Variants in TRPC7 observed in about 807,000 individuals in gnomAD.
TRPC7 encodes short transient receptor potential channel 7.
In TRPC7, 42 loss-of-function variants were observed where a neutral mutation model predicts 90.1. The ratio of observed to expected loss-of-function variants is 0.47; its 90% CI spans 0.36 to 0.60. The LOEUF (loss-of-function observed/expected upper bound fraction) is 0.60. Ranked by LOEUF, TRPC7 falls within the 20% of genes least tolerant of loss-of-function variation. TRPC7 has a pLI of 0.00. For synonymous variants in TRPC7, 451 were observed against 436.3 expected, an observed-to-expected ratio of 1.03 and a Z score of -0.42; for missense variants, 955 against 1,112.3, an observed-to-expected ratio of 0.86 and a Z score of 2.01.
chr5:136,322,086 C>T (rs549578065), intron 2 of TRPC7, among the ~76,000 whole-genome samples: 1 of 152,052 alleles, frequency 6.6e-6, no homozygotes, highest in Non-Finnish European at 1.5e-5. Flanking sequence ...ACAATCTCAG[C>T]TCACAGCAAA....
At chr5:136,336,781 G>A (rs768595673) in intron 2 of TRPC7, among the ~76,000 whole-genome samples, 17 of 152,062 alleles carry the variant, frequency 1.1e-4, no homozygotes, top group Non-Finnish European at 7.4e-5. Flanking sequence ...CTGTCCTTGT[G>A]ATAGTTTGTT....
chr5:136,238,665 T>C (rs1756067112), intron 7 of TRPC7, among the ~76,000 whole-genome samples: 1 of 152,172 alleles, frequency 6.6e-6, no homozygotes, highest in Admixed American at 6.5e-5. Context: ...TGGAGGGCCC[T>C]GGGCAGTGCT....
intron 2 of TRPC7, among the ~76,000 whole-genome samples, chr5:136,327,534 G>A (rs772296109): frequency 6.6e-6 from 1 of 152,162 alleles, no homozygotes; most frequent in Non-Finnish European, 1.5e-5. Flanking sequence ...GAGGGACTGT[G>A]ACTTCCATAG....
intron 2 of TRPC7, among the ~76,000 whole-genome samples, chr5:136,336,365 TG>T (rs1056987960): frequency 3.3e-4 from 50 of 152,270 alleles, no homozygotes; most frequent in African/African-American, 1.2e-3. Context: ...CTACCTTTTG[TG>T]GGTAACTATT....
intron 7 of TRPC7, among the ~76,000 whole-genome samples, chr5:136,241,602 C>T (rs1756167497): frequency 3.9e-5 from 6 of 151,994 alleles, no homozygotes. Flanking sequence ...GTCACCCAGG[C>T]TGCAGTGCAG....
intron 2 of TRPC7, among the ~76,000 whole-genome samples, chr5:136,335,771 G>A (rs938104455): frequency 6.6e-6 from 1 of 151,796 alleles, no homozygotes; most frequent in Non-Finnish European, 1.5e-5. Context: ...AGGCGTGGTG[G>A]CGGGCGCCTG....
intron 1 of TRPC7, among the ~76,000 whole-genome samples, chr5:136,360,958 T>A (rs1760550007): frequency 6.6e-6 from 1 of 152,184 alleles, no homozygotes; most frequent in Non-Finnish European, 1.5e-5. Flanking sequence ...GCTATTTAAT[T>A]TTGATATCAC....
rs547525142 is a variant in TRPC7 at position 136,301,517 on chromosome 5, T to G, written c.963+14080A>C. 4.6e-5 allele frequency among the ~76,000 whole-genome samples: 7 copies of G among 152,200 alleles called. No homozygotes were observed. In the South Asian group the frequency reaches 1.5e-3, roughly 32 times the overall value. ...ACATTCCACCATTGTGATTTGTTTCTGCCCCACCCTAACTGATCAATGTAC... is the reference window on the plus strand; with the variant it reads ...ACATTCCACCATTGTGATTTGTTTCGGCCCCACCCTAACTGATCAATGTAC... On this transcript the variant is annotated intron_variant, in intron 3 of 11. Transcript: ENST00000513104.
chr5:136,362,055 C>T (rs1313474014), intron 1 of TRPC7, among the ~76,000 whole-genome samples: 1 of 152,092 alleles, frequency 6.6e-6, no homozygotes, highest in Non-Finnish European at 1.5e-5. Flanking sequence ...TTAGAATTGT[C>T]TCACATTTTA....
chr5:136,337,052 G>A (rs144082593), intron 2 of TRPC7, among the ~76,000 whole-genome samples: 1 of 152,126 alleles, frequency 6.6e-6, no homozygotes, highest in Non-Finnish European at 1.5e-5. Flanking sequence ...AACTAGTAAT[G>A]CCTTGAAGGA....
At chr5:136,283,781 C>T (rs1385325435) in intron 3 of TRPC7, among the ~76,000 whole-genome samples, 1 of 152,224 alleles carries the variant, frequency 6.6e-6, no homozygotes, top group African/African-American at 2.4e-5. Flanking sequence ...CCTTTCATTT[C>T]CCAGCATCAA....
At chr5:136,254,262 A>G (rs1377428076) in intron 5 of TRPC7, among the ~76,000 whole-genome samples, 5 of 152,244 alleles carry the variant, frequency 3.3e-5, no homozygotes, top group African/African-American at 1.2e-4. Flanking sequence ...TGTAGATTAA[A>G]CAGCTTTATC....
intron 1 of TRPC7, among the ~76,000 whole-genome samples, chr5:136,360,277 C>T (rs1760528043): frequency 7.1e-6 from 1 of 140,954 alleles, no homozygotes; most frequent in Non-Finnish European, 1.5e-5. Flanking sequence ...TTGTTAATTC[C>T]ACTCATTACA....
intron 3 of TRPC7, among the ~76,000 whole-genome samples, chr5:136,289,348 C>T (rs754322120): frequency 2.6e-5 from 4 of 152,208 alleles, no homozygotes; most frequent in African/African-American, 4.8e-5. Context: ...GGCAAGGCAT[C>T]GCCTCACCTG....
chr5:136,251,851 C>G lies in TRPC7; in HGVS notation c.1377G>C (p.Trp459Cys), dbSNP rs1166603582. Residue 459 changes from tryptophan (W) to cysteine (C), a missense_variant, in exon 6 of 12, where the codon TGG becomes TGC. Coordinates refer to ENST00000513104, the MANE Select transcript of TRPC7 (RefSeq NM_020389.3). ...GCACGTACTCCCGTGGCCCCTCCTCCCAGATTTCCTTGCATTCGGACCAAA... is the reference window on the plus strand; with the variant it reads ...GCACGTACTCCCGTGGCCCCTCCTCGCAGATTTCCTTGCATTCGGACCAAA... Reference protein sequence around the residue: ...GMIWSECKEIWEEGPREYVLH... With the variant: ...GMIWSECKEICEEGPREYVLH... 1 of 1,613,934 alleles carries G rather than the reference C, an allele frequency of 6.2e-7. No homozygotes were observed. Among genetic ancestry groups the G allele is most frequent in the Non-Finnish European group, 8.5e-7 (1 of 1,179,862 alleles).
chr5:136,233,602 C>T (rs1367409846), intron 7 of TRPC7, among the ~76,000 whole-genome samples: 1 of 152,172 alleles, frequency 6.6e-6, no homozygotes, highest in East Asian at 1.9e-4. Context: ...AACTGGAGAA[C>T]AGTGTCTGAA....
At chr5:136,266,973 T>G (rs1485851043) in intron 4 of TRPC7, among the ~76,000 whole-genome samples, 1 of 152,256 alleles carries the variant, frequency 6.6e-6, no homozygotes, top group Non-Finnish European at 1.5e-5. Context: ...ATAAATATTT[T>G]ATAAATTATA....
At chr5:136,254,172 T>C (rs1756615017) in intron 5 of TRPC7, among the ~76,000 whole-genome samples, 1 of 152,250 alleles carries the variant, frequency 6.6e-6, no homozygotes, top group Non-Finnish European at 1.5e-5. Flanking sequence ...CAAGTGCTGA[T>C]GCAGAAGCTG....
At chr5:136,281,467 T>A (rs1397434124) in intron 3 of TRPC7, among the ~76,000 whole-genome samples, 1 of 152,226 alleles carries the variant, frequency 6.6e-6, no homozygotes, top group African/African-American at 2.4e-5. Flanking sequence ...TCAAGTCCCA[T>A]GAGAAAATCC....
Sources: gnomAD v4.1 joint callset for allele counts (sites outside exome capture counted in the v4.1 genomes callset) on GRCh38, gnomAD v4.1.1 for gene constraint, MANE v1.5 for transcripts, NCBI Gene and HGNC (gene_info 2026-07-23, HGNC 2026-07-21) for gene names.